The following SCEL variants were observed in gnomAD, a reference collection of about 807,000 sequenced individuals.
SCEL encodes sciellin.
Under a neutral mutation model 117.6 loss-of-function variants are expected in SCEL, and 113 were observed. That is an observed-to-expected ratio of 0.96 (90% CI 0.83 to 1.12). The LOEUF (loss-of-function observed/expected upper bound fraction) is 1.12. Ranked by LOEUF, SCEL falls within the 50% of genes most tolerant of loss-of-function variation. SCEL has a pLI of 0.00. For missense variants in SCEL, 785 were observed against 810.8 expected (o/e 0.97, Z 0.39); for synonymous variants, 270 against 256.2 (o/e 1.05, Z -0.51).
intron 8 of SCEL, 122 bp downstream of exon 8, chr13:77,569,573 C>T: frequency 1.5e-6 from 1 of 650,088 alleles, no homozygotes; most frequent in East Asian, 2.8e-5. Flanking sequence ...AACTTCAGCT[C>T]TTTCCCCCAG....
intron 18 of SCEL, among the ~76,000 whole-genome samples, chr13:77,603,571 A>G (rs1594091132): frequency 6.6e-6 from 1 of 151,764 alleles, no homozygotes; most frequent in South Asian, 2.1e-4. Flanking sequence ...GGGAGTGAGG[A>G]CCTCCCACCA....
intron 12 of SCEL, among the ~76,000 whole-genome samples, chr13:77,594,399 T>C (rs1315951990): frequency 6.6e-6 from 1 of 152,214 alleles, no homozygotes; most frequent in African/African-American, 2.4e-5. Context: ...ATACTCTGGC[T>C]TTGTTTATAC....
intron 1 of SCEL, among the ~76,000 whole-genome samples, chr13:77,538,789 G>A (rs952473025): frequency 1.1e-4 from 16 of 152,164 alleles, no homozygotes; most frequent in Non-Finnish European, 2.1e-4. Context: ...GTAGACCCAA[G>A]TTTCCCTGAC....
intron 28 of SCEL, 36 bp downstream of exon 28, chr13:77,628,045 G>A (rs202157897): frequency 4.9e-4 from 452 of 919,054 alleles, no homozygotes; most frequent in Non-Finnish European, 7.0e-4. Context: ...TTTCTTATGA[G>A]TTCTATATGC....
At chr13:77,540,733 A>G (rs1219820295) in intron 1 of SCEL, among the ~76,000 whole-genome samples, 2 of 152,208 alleles carry the variant, frequency 1.3e-5, no homozygotes, top group Non-Finnish European at 2.9e-5. Context: ...GTTGGGGGAA[A>G]TGAGGCTGGA....
At position 77,627,970 on chromosome 13, in the gene SCEL, T is replaced by C. The variant is rs774574639; in HGVS notation, c.1652T>C (p.Ile551Thr). 6.0e-6 allele frequency: 9 copies of C among 1,499,574 alleles called. No individual in the cohort carries two copies. The highest frequency in any genetic ancestry group is 3.5e-4 in the Middle Eastern group (2 of 5,638). The allele number at this position is 1,499,574 out of a possible 1,614,324, so 92.9% of individuals were successfully genotyped here. A position where few individuals can be genotyped will look rare whatever the true frequency, so the allele number is the denominator to read the frequency against. Residue 551 changes from isoleucine to threonine, a missense_variant, in exon 28 of 33, where the codon ATT becomes ACT. Coordinates refer to ENST00000349847, the MANE Select transcript of SCEL (RefSeq NM_144777.3). ...AGAGACCAGAACCTGGAAAATTTAA[T>C]TGAAGTAAATTCTCATGTGTCTGAA... is the stretch of plus-strand genomic sequence containing the variant. ...TNRDQNLENL[I>T]EVNSHVSENK... is the part of the protein sequence containing the mutation.
intron 3 of SCEL, among the ~76,000 whole-genome samples, chr13:77,557,165 A>G (rs1236492427): frequency 6.6e-6 from 1 of 152,218 alleles, no homozygotes; most frequent in Non-Finnish European, 1.5e-5. Context: ...TTACCGACTT[A>G]TTTTAGTTCC....
chr13:77,569,082 T>C lies in SCEL; in HGVS notation c.399-289T>C, dbSNP rs185865306. ...ATCACAGGAATAAAAGAAATGTGAA[T>C]CTGTAGCACGCCAGAATTGATTTGT... On this transcript the variant is annotated intron_variant, in intron 7 of 32. Coordinates refer to ENST00000349847, the MANE Select transcript of SCEL (RefSeq NM_144777.3). Among the ~76,000 whole-genome samples, 8 of 152,358 alleles carry C rather than the reference T, an allele frequency of 5.3e-5. No individual in the cohort carries two copies. In the East Asian group the frequency reaches 1.3e-3, roughly 26 times the overall value.
intron 31 of SCEL, among the ~76,000 whole-genome samples, chr13:77,641,577 A>G (rs2090558347): frequency 6.6e-6 from 1 of 152,190 alleles, no homozygotes; most frequent in South Asian, 2.1e-4. Context: ...GAGGAAAAAT[A>G]GAATGATCGG....
chr13:77,538,909 TG>T (rs1484246459), intron 1 of SCEL, among the ~76,000 whole-genome samples: 1 of 152,214 alleles, frequency 6.6e-6, no homozygotes, highest in Non-Finnish European at 1.5e-5. Flanking sequence ...ACTGTGTCAA[TG>T]TTCTAGAAAA....
intron 9 of SCEL, among the ~76,000 whole-genome samples, chr13:77,585,430 A>AGTTTG (rs1827671412): frequency 6.6e-6 from 1 of 152,068 alleles, no homozygotes; most frequent in African/African-American, 2.4e-5. Flanking sequence ...GAAGGGTAAG[A>AGTTTG]GTTTGTCACA....
intron 12 of SCEL, among the ~76,000 whole-genome samples, chr13:77,594,682 C>T (rs1198214274): frequency 6.6e-6 from 1 of 152,168 alleles, no homozygotes; most frequent in Non-Finnish European, 1.5e-5. Context: ...GTCTTATTTG[C>T]CATTTACAGT....
At chr13:77,608,242 G>T in intron 20 of SCEL, 127 bp downstream of exon 20, 1 of 627,752 alleles carries the variant, frequency 1.6e-6, no homozygotes, top group Non-Finnish European at 2.8e-6. Context: ...TTACCAGCTT[G>T]GTGTCTTTGA....
At chr13:77,583,739 A>T (rs2086397323) in intron 9 of SCEL, among the ~76,000 whole-genome samples, 1 of 152,214 alleles carries the variant, frequency 6.6e-6, no homozygotes. Flanking sequence ...ACAGTTAAAT[A>T]TTAGAGACAA....
intron 13 of SCEL, among the ~76,000 whole-genome samples, chr13:77,599,108 T>G (rs1260059805): frequency 2.0e-5 from 3 of 152,214 alleles, no homozygotes; most frequent in Non-Finnish European, 4.4e-5. Context: ...AGACCTATTG[T>G]GGTTGACAGA....
chr13:77,543,477 T>C (rs1295518419), intron 1 of SCEL, among the ~76,000 whole-genome samples: 3 of 152,204 alleles, frequency 2.0e-5, no homozygotes, highest in African/African-American at 7.2e-5. Context: ...TTTATAAAAA[T>C]ATATTAGAAG....
In SCEL at chr13:77,556,615, G is replaced by A; in HGVS notation, c.63G>A (p.Gln21=). Residue 21 remains glutamine, a synonymous_variant, in exon 3 of 33, where the codon CAG becomes CAA. Coordinates refer to ENST00000349847, the MANE Select transcript of SCEL (RefSeq NM_144777.3). ...PTGNEMKSTT[Q]GTTRKQQDFH... The stretch of plus-strand genomic sequence containing the variant: ...TGATAGAGATGAAGAGCACCACTCA[G>A]GGAACCACACGGAAGCAGCAGGATT... 2 of 1,613,844 alleles carry A rather than the reference G, an allele frequency of 1.2e-6. No individual in the cohort carries two copies. The highest frequency in any genetic ancestry group is 2.2e-5 in the South Asian group (2 of 91,072).
intron 24 of SCEL, among the ~76,000 whole-genome samples, chr13:77,615,389 G>A (rs1371634993): frequency 6.6e-6 from 1 of 152,088 alleles, no homozygotes; most frequent in Non-Finnish European, 1.5e-5. Flanking sequence ...TTGGAAAATA[G>A]CAAAGGCTGT....
At chr13:77,634,503 T>A (rs2090179987) in intron 29 of SCEL, 53 bp downstream of exon 29, 27 of 1,326,676 alleles carry the variant, frequency 2.0e-5, no homozygotes, top group Non-Finnish European at 2.6e-5. Context: ...TTTGAAAGGA[T>A]CTATGTTTAA....
Sources: gnomAD v4.1 joint callset for allele counts (sites outside exome capture counted in the v4.1 genomes callset) on GRCh38, gnomAD v4.1.1 for gene constraint, MANE v1.5 for transcripts, NCBI Gene and HGNC (gene_info 2026-07-23, HGNC 2026-07-21) for gene names.